The following TPRG1 variants were observed in gnomAD, a reference collection of about 807,000 sequenced individuals.
TPRG1 encodes the protein tumor protein p63-regulated gene 1 protein.
Under a neutral mutation model 29.3 loss-of-function variants are expected in TPRG1, and 29 were observed. The observed-to-expected ratio is 0.99, with a 90% CI of 0.74 to 1.35. TPRG1 has a LOEUF of 1.35. Among genes scored for constraint, TPRG1 ranks in the 40% most tolerant of loss-of-function variants. The probability of loss-of-function intolerance (pLI) is 0.00; values close to 1 mark genes in which losing one functional copy is unlikely to be tolerated. For synonymous variants in TPRG1, 130 were observed against 116.8 expected (o/e 1.11, Z -0.73); for missense variants, 327 against 335.0 (o/e 0.98, Z 0.19).
chr3:189,180,273 CA>C (rs1406752138), intron 1 of TPRG1, among the ~76,000 whole-genome samples: 1 of 152,138 alleles, frequency 6.6e-6, no homozygotes, highest in Admixed American at 6.6e-5. Flanking sequence ...CTCATGTTCT[CA>C]CATTTCAAAA....
intron 4 of TPRG1, among the ~76,000 whole-genome samples, chr3:189,273,995 A>T (rs77424180): frequency 6.7e-6 from 1 of 149,724 alleles, no homozygotes; most frequent in African/African-American, 2.6e-5. Flanking sequence ...ATAATGTTGT[A>T]TTTGTCTGGA....
intron 3 of TPRG1, among the ~76,000 whole-genome samples, chr3:189,008,572 G>C (rs1712432237): frequency 6.6e-6 from 1 of 152,148 alleles, no homozygotes; most frequent in Admixed American, 6.6e-5. Flanking sequence ...GTGTATAAAT[G>C]AGAAATTAGT....
At chr3:188,997,678 T>G (rs1418518867) in intron 1 of TPRG1, among the ~76,000 whole-genome samples, 1 of 152,198 alleles carries the variant, frequency 6.6e-6, no homozygotes, top group Non-Finnish European at 1.5e-5. Flanking sequence ...CCTCAAAGAA[T>G]GGCCACAACC....
intron 3 of TPRG1, among the ~76,000 whole-genome samples, chr3:189,014,746 G>A (rs777311816): frequency 2.6e-5 from 4 of 152,110 alleles, no homozygotes; most frequent in African/African-American, 9.7e-5. Flanking sequence ...GATGTGCCTT[G>A]TTTCCCCTTT....
intron 4 of TPRG1, among the ~76,000 whole-genome samples, chr3:189,086,483 C>A (rs1445887629): frequency 6.6e-6 from 1 of 152,042 alleles, no homozygotes; most frequent in Non-Finnish European, 1.5e-5. Flanking sequence ...CTCAGCCTCC[C>A]CAAAATTCTG....
chr3:189,101,212 T>A (rs918518089), intron 1 of TPRG1, among the ~76,000 whole-genome samples: 10 of 152,168 alleles, frequency 6.6e-5, no homozygotes, highest in Admixed American at 5.2e-4. Flanking sequence ...CTCACAGTTT[T>A]AGTCTCTTTA....
At chr3:189,284,951 A>C (rs960599161) in intron 4 of TPRG1, among the ~76,000 whole-genome samples, 4 of 152,194 alleles carry the variant, frequency 2.6e-5, no homozygotes, top group African/African-American at 9.6e-5. Context: ...GATCTAATTA[A>C]ACTAAAGAGC....
chr3:189,312,081 GTTTCTTTCTTTC>G (rs1220000280), intron 5 of TPRG1, among the ~76,000 whole-genome samples: 1,674 of 119,372 alleles, frequency 0.014, 121 homozygotes, highest in African/African-American at 0.054. Flanking sequence ...AACACTTTAT[GTTTCTTTCTTTC>G]TTTGTTTCTT....
At chr3:189,018,155 G>A (rs78889751) in intron 3 of TPRG1, among the ~76,000 whole-genome samples, 284 of 151,582 alleles carry the variant, frequency 1.9e-3, no homozygotes, top group Admixed American at 9.4e-3. Flanking sequence ...AGTAGGTTGC[G>A]AAAATTTTCT....
intron 3 of TPRG1, among the ~76,000 whole-genome samples, chr3:189,019,457 G>T (rs912468047): frequency 1.3e-5 from 2 of 152,110 alleles, no homozygotes; most frequent in South Asian, 2.1e-4. Context: ...GTTGAATTTT[G>T]TCAAAGGCCT....
At chr3:189,244,970 G>A (rs1046209520) in intron 4 of TPRG1, among the ~76,000 whole-genome samples, 2 of 152,110 alleles carry the variant, frequency 1.3e-5, no homozygotes, top group Admixed American at 1.3e-4. Flanking sequence ...GCCCAAGCTG[G>A]AGTGCAACGG....
chr3:189,188,026 C>G (rs1207320589), intron 1 of TPRG1, among the ~76,000 whole-genome samples: 2 of 152,126 alleles, frequency 1.3e-5, no homozygotes, highest in African/African-American at 4.8e-5. Context: ...AACTGATTGG[C>G]TGAACTCCCA....
intron 1 of TPRG1, among the ~76,000 whole-genome samples, chr3:189,000,382 ATAT>A (rs1334911934): frequency 6.6e-6 from 1 of 152,132 alleles, no homozygotes; most frequent in East Asian, 1.9e-4. Context: ...TATACCATAG[ATAT>A]TATGATATAA....
At chr3:189,004,745 G>C (rs1304771761) in exon 3 of TPRG1, 4 of 152,082 alleles carry the variant, frequency 2.6e-5, no homozygotes, top group African/African-American at 7.2e-5. Flanking sequence ...TGCCTACTCA[G>C]CCTCTAGTAT....
intron 5 of TPRG1, among the ~76,000 whole-genome samples, chr3:189,161,471 T>TTTATTATTA (rs1553914180): frequency 9.6e-6 from 1 of 103,906 alleles, no homozygotes; most frequent in Admixed American, 9.3e-5. Context: ...GTTCTTTTTT[T>TTTATTATTA]TTATTATTAT....
chr3:189,053,276 T>A (rs962650412), intron 4 of TPRG1, among the ~76,000 whole-genome samples: 14 of 152,214 alleles, frequency 9.2e-5, no homozygotes, highest in Non-Finnish European at 1.9e-4. Context: ...TCCTCACCTG[T>A]CTTAGCCTTC....
rs533934051 is a variant in TPRG1 at position 189,175,230 on chromosome 3, CA to C, written c.-10+3100del. 1.5e-3 allele frequency among the ~76,000 whole-genome samples: 234 copies of C among 152,254 alleles called. 1 individual carries two copies. Among genetic ancestry groups the C allele is most frequent in the African/African-American group, 5.3e-3 (219 of 41,544 alleles). The stretch of plus-strand genomic sequence containing the variant: ...GATTTATGGCAACTAGGTAGGTTGC[CA>C]TCAGAGATAATTGTAAGGATGAAAT... On this transcript the variant is annotated intron_variant, in intron 1 of 5. Transcript: ENST00000345063.
At chr3:189,229,078 G>T (rs1738236760) in intron 3 of TPRG1, among the ~76,000 whole-genome samples, 1 of 152,180 alleles carries the variant, frequency 6.6e-6, no homozygotes, top group Non-Finnish European at 1.5e-5. Context: ...TATAGGACTT[G>T]TATACTGAAA....
chr3:189,093,737 C>G (rs1225892440), intron 4 of TPRG1, among the ~76,000 whole-genome samples: 2 of 152,168 alleles, frequency 1.3e-5, no homozygotes, highest in East Asian at 3.9e-4. Context: ...ATTTCGGGTT[C>G]TGGGAAATTT....
Sources: allele counts gnomAD v4.1 joint callset (sites outside exome capture counted in the v4.1 genomes callset), GRCh38; gene constraint gnomAD v4.1.1; transcripts MANE v1.5; gene names NCBI Gene and HGNC (gene_info 2026-07-23, HGNC 2026-07-21).